DNAH17: variants seen among roughly 807,000 people sequenced by gnomAD.
The protein encoded by DNAH17 is dynein axonemal heavy chain 17.
DNAH17 carries 376 observed loss-of-function variants against 485.6 expected under a neutral mutation model. The ratio of observed to expected loss-of-function variants is 0.77; its 90% CI spans 0.71 to 0.84. DNAH17 has a LOEUF of 0.84. Ranked by LOEUF, DNAH17 falls within the 40% of genes least tolerant of loss-of-function variation. The pLI is 0.00. For missense variants in DNAH17, 6,370 were observed against 5,839.3 expected, an observed-to-expected ratio of 1.09 and a Z score of -2.96; for synonymous variants, 3,031 against 2,405.9, an observed-to-expected ratio of 1.26 and a Z score of -7.60.
In DNAH17 at chr17:78,541,205, G is replaced by A. The variant is rs1203964478; in HGVS notation, c.2533-1325C>T. ...GGGTGAGCGGGGTGGGGGGGTGAGCGGATGGGTGGGTGGGGGGGTGAGCGG... is the reference window on the plus strand; with the variant it reads ...GGGTGAGCGGGGTGGGGGGGTGAGCAGATGGGTGGGTGGGGGGGTGAGCGG... On this transcript the variant is annotated intron_variant, in intron 17 of 80. Coordinates refer to ENST00000389840, the MANE Select transcript of DNAH17 (RefSeq NM_173628.4). Among the ~76,000 whole-genome samples, 27 of 6,158 alleles carry A rather than the reference G, an allele frequency of 4.4e-3. 6 individuals are homozygous for A. Among genetic ancestry groups the A allele is most frequent in the African/African-American group, 0.02 (14 of 702 alleles). 4.0% of individuals were successfully genotyped at this position (6,158 alleles called of 152,430 possible).
chr17:78,550,561 A>G (rs1025448221), intron 16 of DNAH17, among the ~76,000 whole-genome samples: 5 of 152,216 alleles, frequency 3.3e-5, no homozygotes, highest in Admixed American at 6.5e-5. Context: ...AGACACACAG[A>G]GGGAGGACCC....
At position 78,494,000 on chromosome 17, in the gene DNAH17, C is replaced by T. The variant is rs769700288; in HGVS notation, c.6408+36G>A. The T allele has an allele frequency of 6.9e-6, 11 of 1,594,636 alleles. No individual in the cohort carries two copies. The East Asian group carries it at 9.0e-5, about 13-fold the overall frequency. On this transcript the variant is annotated intron_variant, in intron 41 of 80. Coordinates refer to ENST00000389840, the MANE Select transcript of DNAH17 (RefSeq NM_173628.4). ...TCGCCCCAGCCCTCCCCCACCATGC[C>T]GGATCCCTGCAAGGTCCCTGGAGCG...
chr17:78,552,729 C>G lies in DNAH17; in HGVS notation c.2255G>C (p.Ser752Thr), dbSNP rs768399398. The G allele has an allele frequency of 2.5e-6, 4 of 1,613,952 alleles. No individual in the cohort carries two copies. In the South Asian group the frequency reaches 4.4e-5, roughly 18 times the overall value. ...ATTCCAGAATAATGTCGTTTCAGCG[C>G]TCAATAACTTGACATCAATTGCTTC... ...ELEAIDVKLL[S>T]AETTLFWNGE... is the part of the protein sequence containing the mutation. The change falls in exon 15 of 81, where the codon AGC becomes ACC. Residue 752 changes from serine (S) to threonine (T), a missense_variant. Ser to Thr is a moderately conservative substitution (Grantham distance 58). Transcript: ENST00000389840.
In DNAH17 at chr17:78,553,302, TTTTTTTTTTTTTTTTTTA is replaced by T. The variant is rs796883350; in HGVS notation, c.2179-515_2179-498del. ...TTTTGTGTTTTTTTTTTTTTTTTTT[TTTTTTTTTTTTTTTTTTA>T]AGATGGAGTCTCACTCTGTCACCCA... On this transcript the variant is annotated intron_variant, in intron 14 of 80. Coordinates refer to ENST00000389840, the MANE Select transcript of DNAH17 (RefSeq NM_173628.4). 8.7e-4 allele frequency among the ~76,000 whole-genome samples: 65 copies of T among 74,500 alleles called. 1 individual carries two copies. In the South Asian group the frequency reaches 0.012, roughly 13 times the overall value. 48.9% of individuals were successfully genotyped at this position (74,500 alleles called of 152,430 possible). A position where few individuals can be genotyped will look rare whatever the true frequency, so the allele number is the denominator to read the frequency against.
rs754003140 is a variant in DNAH17, at chr17:78,552,767, T to C, written c.2217A>G (p.Ile739Met). 6.2e-7 allele frequency: 1 copy of C among 1,613,832 alleles called. No individual in the cohort carries two copies. The highest frequency in any genetic ancestry group is 8.5e-7 in the Non-Finnish European group (1 of 1,179,734). ...CATCAATTGCTTCCAGTTCTGACTT[T>C]ATTAGTAGAAATTCTACTGCCTTCA... ...TIVKAVEFLL[I>M]KSELEAIDVK... is the part of the protein sequence containing the mutation. Residue 739 changes from isoleucine to methionine, a missense_variant, in exon 15 of 81, where the codon ATA (isoleucine) becomes ATG (methionine). Transcript: ENST00000389840.
rs77645935 is a variant in DNAH17 at position 78,563,492 on chromosome 17, A to G, written c.1570-1512T>C. ...AGTCAGAAAAATAGAAAAAAACCCCAAAAACCTGAAGACCCATCATCCAGA... is the reference window on the plus strand; with the variant it reads ...AGTCAGAAAAATAGAAAAAAACCCCGAAAACCTGAAGACCCATCATCCAGA... On this transcript the variant is annotated intron_variant, in intron 11 of 80. Transcript: ENST00000389840. Among the ~76,000 whole-genome samples the G allele has an allele frequency of 2.1e-5, 3 of 140,424 alleles. No homozygotes were observed. The East Asian group carries it at 6.2e-4, about 29-fold the overall frequency. 92.1% of individuals were successfully genotyped at this position (140,424 alleles called of 152,430 possible). A position where few individuals can be genotyped will look rare whatever the true frequency, so the allele number is the denominator to read the frequency against.
At chr17:78,541,980 C>T (rs1037690398) in intron 17 of DNAH17, among the ~76,000 whole-genome samples, 11 of 151,942 alleles carry the variant, frequency 7.2e-5, no homozygotes, top group African/African-American at 1.5e-4. Flanking sequence ...CCTGGGGTGA[C>T]GATCTTTAGA....
intron 16 of DNAH17, among the ~76,000 whole-genome samples, chr17:78,544,578 G>A (rs576538091): frequency 1.3e-4 from 20 of 152,146 alleles, no homozygotes; most frequent in South Asian, 4.2e-4. Context: ...TGAGGCAGGC[G>A]GATCACGAGG....
intron 56 of DNAH17, 79 bp from the exon 57 acceptor site, chr17:78,463,156 G>T: frequency 7.3e-7 from 1 of 1,378,920 alleles, no homozygotes; most frequent in South Asian, 1.3e-5. Flanking sequence ...GACTCACCAG[G>T]GGCCCTGGAC....
intron 77 of DNAH17, among the ~76,000 whole-genome samples, chr17:78,427,800 T>G (rs1734307663): frequency 6.6e-6 from 1 of 151,922 alleles, no homozygotes; most frequent in African/African-American, 2.4e-5. Flanking sequence ...GGTGAAACTG[T>G]CTCTACCACA....
intron 26 of DNAH17, 105 bp downstream of exon 26, chr17:78,514,669 A>G (rs1367624891): frequency 1.4e-6 from 2 of 1,435,134 alleles, no homozygotes; most frequent in African/African-American, 2.8e-5. Context: ...TGGCTTTACC[A>G]GCATCGGGCC....
At chr17:78,537,521 T>A in intron 18 of DNAH17, 40 bp from the exon 19 acceptor site, 1 of 1,601,116 alleles carries the variant, frequency 6.2e-7, no homozygotes, top group Non-Finnish European at 8.5e-7. Flanking sequence ...AACACCTCTG[T>A]CCTCCATCGG....
chr17:78,507,366 A>G lies in DNAH17; in HGVS notation c.4588T>C (p.Leu1530=), dbSNP rs1311366685. The G allele has an allele frequency of 6.2e-7, 1 of 1,614,000 alleles. No individual in the cohort carries two copies. The highest frequency in any genetic ancestry group is 1.1e-5 in the South Asian group (1 of 91,082). Residue 1530 remains leucine (L), a synonymous_variant, in exon 29 of 81, where the codon TTG becomes CTG. Transcript: ENST00000389840. Reference sequence around the variant, plus strand: ...GGTGTTTTCACTGCATCTTCCATCAAGGCCTGGGAAGAGAAGGGGATCGCC... The same window carrying G: ...GGTGTTTTCACTGCATCTTCCATCAGGGCCTGGGAAGAGAAGGGGATCGCC... ...FDDINQEFKA[L]MEDAVKTPNV... is the part of the protein sequence containing the mutation.
chr17:78,438,209 G>A (rs544009878), intron 73 of DNAH17, among the ~76,000 whole-genome samples: 20 of 151,632 alleles, frequency 1.3e-4, no homozygotes, highest in Admixed American at 2.6e-4. Context: ...GCTTCCCACC[G>A]GGGCCAGGCT....
chr17:78,519,037 G>T (rs533216708), intron 25 of DNAH17, among the ~76,000 whole-genome samples: 1 of 151,680 alleles, frequency 6.6e-6, no homozygotes, highest in Admixed American at 6.6e-5. Context: ...GCGTGGTGGC[G>T]GGCACCTGTA....
chr17:78,452,424 C>T (rs1029142322), intron 65 of DNAH17, among the ~76,000 whole-genome samples: 1 of 152,150 alleles, frequency 6.6e-6, no homozygotes, highest in Non-Finnish European at 1.5e-5. Context: ...CATGCGACCA[C>T]GTGCATGACC....
intron 27 of DNAH17, 146 bp from the exon 28 acceptor site, chr17:78,507,951 G>T (rs1054404636): frequency 5.7e-6 from 4 of 702,416 alleles, no homozygotes; most frequent in Middle Eastern, 3.7e-4. Flanking sequence ...GCCAAAGGCA[G>T]ATCCAACCCG....
chr17:78,491,288 G>A (rs571400047), intron 43 of DNAH17, among the ~76,000 whole-genome samples, 155 bp downstream of exon 43: 3 of 152,356 alleles, frequency 2.0e-5, no homozygotes, highest in Admixed American at 2.0e-4. Flanking sequence ...TCACGACAAG[G>A]TGCCCCTCAC....
At chr17:78,564,194 C>A (rs1256206546) in intron 11 of DNAH17, among the ~76,000 whole-genome samples, 1 of 152,146 alleles carries the variant, frequency 6.6e-6, no homozygotes, top group Non-Finnish European at 1.5e-5. Flanking sequence ...GCTCCCTCCC[C>A]ACTGCCGGAT....
Sources: gnomAD v4.1 joint callset for allele counts (sites outside exome capture counted in the v4.1 genomes callset) on GRCh38, gnomAD v4.1.1 for gene constraint, MANE v1.5 for transcripts, NCBI Gene and HGNC (gene_info 2026-07-23, HGNC 2026-07-21) for gene names.